Variants in NHLH1 observed in about 807,000 individuals in gnomAD.
The protein encoded by NHLH1 is helix-loop-helix protein 1.
Under a neutral mutation model 6.7 loss-of-function variants are expected in NHLH1, and 3 were observed. The observed-to-expected ratio is 0.44, with a 90% CI of 0.20 to 1.15. The LOEUF (loss-of-function observed/expected upper bound fraction) is 1.15. Among genes scored for constraint, NHLH1 ranks in the 50% most tolerant of loss-of-function variants. The pLI is 0.26. For synonymous variants in NHLH1, 92 were observed against 84.2 expected (o/e 1.09, Z -0.51); for missense variants, 177 against 189.5 (o/e 0.93, Z 0.39).
intron 1 of NHLH1, among the ~76,000 whole-genome samples, chr1:160,367,927 T>C (rs149436257): frequency 1.2e-3 from 180 of 152,292 alleles, no homozygotes; most frequent in Non-Finnish European, 2.0e-3. Context: ...CCTCCCACAC[T>C]ATTGCCATCC....
rs202093419 is a variant in NHLH1 at position 160,370,817 on chromosome 1, G to C, written c.86G>C (p.Gly29Ala). ...TCGGGCTTCAGTGACTGTGGGGGCG[G>C]GGCGGGCCCTGATGGTGCCGGGCCT... ...TESGFSDCGG[G>A]AGPDGAGPGG... Residue 29 changes from glycine to alanine, a missense_variant, in exon 2 of 2, where the codon GGG becomes GCG. By Grantham distance (60) the Gly-to-Ala change is moderately conservative (BLOSUM62 0). Coordinates refer to ENST00000302101, the MANE Select transcript of NHLH1 (RefSeq NM_005598.4). The C allele has an allele frequency of 1.5e-5, 24 of 1,611,012 alleles. No individual in the cohort carries two copies. The highest frequency in any genetic ancestry group is 3.3e-4 in the Middle Eastern group (2 of 6,004).
chr1:160,370,023 C>A (rs1649587545), intron 1 of NHLH1, among the ~76,000 whole-genome samples: 1 of 152,004 alleles, frequency 6.6e-6, no homozygotes, highest in South Asian at 2.1e-4. Flanking sequence ...GGATATTAAC[C>A]CCTTATCAGA....
Position 160,370,839 on chromosome 1 carries a change from G to T in NHLH1, c.108G>T (p.Gly36=). ...GCGGGGCGGGCCCTGATGGTGCCGG[G>T]CCTGGGGGTCCGGGAGGGGGCCAGG... ...CGGGAGPDGA[G]PGGPGGGQAR... is the part of the protein sequence containing the mutation. Residue 36 remains glycine (G), a synonymous_variant, in exon 2 of 2, where the codon GGG becomes GGT. Coordinates refer to ENST00000302101, the MANE Select transcript of NHLH1 (RefSeq NM_005598.4). The T allele has an allele frequency of 1.2e-6, 2 of 1,607,712 alleles. No homozygotes were observed. Among genetic ancestry groups the T allele is most frequent in the Admixed American group, 1.7e-5 (1 of 59,472 alleles).
Position 160,370,750 on chromosome 1 carries a change from A to G in NHLH1, c.19A>G (p.Thr7Ala), listed in dbSNP as rs756433171. The G allele has an allele frequency of 1.2e-6, 2 of 1,612,554 alleles. No homozygotes were observed. The highest frequency in any genetic ancestry group is 2.2e-5 in the South Asian group (2 of 90,990). ...TTCCATCATGATGCTCAACTCAGAC[A>G]CCATGGAGCTGGACCTGCCGCCCAC... MMLNSD[T>A]MELDLPPTHS... The change falls in exon 2 of 2, where the codon ACC (threonine) becomes GCC (alanine). Residue 7 changes from threonine to alanine, a missense_variant. Physicochemically the swap from Thr to Ala is moderately conservative, Grantham distance 58. Coordinates refer to ENST00000302101, the MANE Select transcript of NHLH1 (RefSeq NM_005598.4).
At position 160,371,157 on chromosome 1, in the gene NHLH1, G is replaced by C; in HGVS notation, c.*24G>C. On this transcript the variant is annotated 3_prime_UTR_variant, in exon 2 of 2. Coordinates refer to ENST00000302101, the MANE Select transcript of NHLH1 (RefSeq NM_005598.4). ...GAACTCAGCCTGTCTCCCACCTCCC[G>C]GGCCTCTCTGGGGCCCCTTTCCACC... is the stretch of plus-strand genomic sequence containing the variant. 8.2e-6 allele frequency: 13 copies of C among 1,577,208 alleles called. No individual in the cohort carries two copies. The highest frequency in any genetic ancestry group is 1.0e-5 in the Non-Finnish European group (12 of 1,161,574).
Position 160,371,312 on chromosome 1 carries a change from A to C in NHLH1, c.*179A>C, listed in dbSNP as rs1571219604. On this transcript the variant is annotated 3_prime_UTR_variant, in exon 2 of 2. Transcript: ENST00000302101. ...GCCTCTTCCTTTCTCTGACCCAGGC[A>C]CCTCGAGGGCTATTCTCCTGGGTTC... 9 of 975,788 alleles carry C rather than the reference A, an allele frequency of 9.2e-6. No homozygotes were observed. The highest frequency in any genetic ancestry group is 1.2e-5 in the Non-Finnish European group (8 of 686,390). 60.4% of individuals were successfully genotyped at this position (975,788 alleles called of 1,614,324 possible). A position where few individuals can be genotyped will look rare whatever the true frequency, so the allele number is the denominator to read the frequency against.
rs1649658878 is a variant in NHLH1, at chr1:160,372,757, T to G, written c.*1624T>G. 6.0e-6 allele frequency: 1 copy of G among 166,662 alleles called. No individual in the cohort carries two copies. The highest frequency in any genetic ancestry group is 1.5e-5 in the Non-Finnish European group (1 of 68,116). The allele number at this position is 166,662 out of a possible 1,614,324, so 10.3% of individuals were successfully genotyped here. On this transcript the variant is annotated 3_prime_UTR_variant, in exon 2 of 2. Transcript: ENST00000302101. Reference sequence around the variant, plus strand: ...TACTCCCAAGAGCAGGCCCCAGGGGTCTGTGTCACATATCTCTGTGTGATT... The same window carrying G: ...TACTCCCAAGAGCAGGCCCCAGGGGGCTGTGTCACATATCTCTGTGTGATT...
At chr1:160,370,324 G>C (rs1365149372) in intron 1 of NHLH1, among the ~76,000 whole-genome samples, 1 of 151,740 alleles carries the variant, frequency 6.6e-6, no homozygotes, top group Non-Finnish European at 1.5e-5. Context: ...CCTGTTACTC[G>C]TTTTCTCTTC....
chr1:160,371,901 A>AT lies in NHLH1; in HGVS notation c.*768_*769insT, dbSNP rs1649636760. On this transcript the variant is annotated 3_prime_UTR_variant, in exon 2 of 2. Coordinates refer to ENST00000302101, the MANE Select transcript of NHLH1 (RefSeq NM_005598.4). The stretch of plus-strand genomic sequence containing the variant: ...TGTGTGTCACTAGAGAAAAAAAAAA[A>AT]CAAAAACCTAGATTCCGGATTAGGG... The AT allele has an allele frequency of 2.4e-5, 4 of 166,576 alleles. No individual in the cohort carries two copies. The allele number at this position is 166,576 out of a possible 1,614,324, so 10.3% of individuals were successfully genotyped here. A position where few individuals can be genotyped will look rare whatever the true frequency, so the allele number is the denominator to read the frequency against.
In NHLH1 at chr1:160,372,463, C is replaced by G. The variant is rs1315904915; in HGVS notation, c.*1330C>G. 1 of 167,012 alleles carries G rather than the reference C, an allele frequency of 6.0e-6. No homozygotes were observed. Among genetic ancestry groups the G allele is most frequent in the Non-Finnish European group, 1.5e-5 (1 of 68,142 alleles). 10.3% of individuals were successfully genotyped at this position (167,012 alleles called of 1,614,324 possible). On this transcript the variant is annotated 3_prime_UTR_variant, in exon 2 of 2. Coordinates refer to ENST00000302101, the MANE Select transcript of NHLH1 (RefSeq NM_005598.4). ...GCTCCCAGCAGCTCTAGCTGGGTCTCTCTTGCTTCCTCCCTGCTTACGCCT... is the reference window on the plus strand; with the variant it reads ...GCTCCCAGCAGCTCTAGCTGGGTCTGTCTTGCTTCCTCCCTGCTTACGCCT...
rs771163143 is a variant in NHLH1, at chr1:160,371,341, C to A, written c.*208C>A. 9.7e-5 allele frequency: 72 copies of A among 740,990 alleles called. No individual in the cohort carries two copies. The highest frequency in any genetic ancestry group is 1.4e-4 in the Non-Finnish European group (68 of 481,406). The allele number at this position is 740,990 out of a possible 1,614,324, so 45.9% of individuals were successfully genotyped here. A position where few individuals can be genotyped will look rare whatever the true frequency, so the allele number is the denominator to read the frequency against. ...CGAGGGCTATTCTCCTGGGTTCCTT[C>A]CGGGGTTTATTGCTGAGGCCCAGCT... On this transcript the variant is annotated 3_prime_UTR_variant, in exon 2 of 2. Transcript: ENST00000302101.
At chr1:160,367,536 G>A (rs568120711) in intron 1 of NHLH1, among the ~76,000 whole-genome samples, 199 bp downstream of exon 1, 2 of 152,156 alleles carry the variant, frequency 1.3e-5, no homozygotes, top group African/African-American at 4.8e-5. Flanking sequence ...TGGCAGAAGT[G>A]GGGTGGGAAG....
Position 160,370,772 on chromosome 1 carries a change from C to T in NHLH1, c.41C>T (p.Pro14Leu), listed in dbSNP as rs1305366279. ...GACACCATGGAGCTGGACCTGCCGC[C>T]CACCCACTCAGAGACTGAGTCGGGC... ...NSDTMELDLP[P>L]THSETESGFS... The change falls in exon 2 of 2, where the codon CCC becomes CTC. Residue 14 changes from proline (P) to leucine (L), a missense_variant. Pro to Leu is a moderately conservative substitution (Grantham distance 98). Coordinates refer to ENST00000302101, the MANE Select transcript of NHLH1 (RefSeq NM_005598.4). 6.2e-7 allele frequency: 1 copy of T among 1,613,064 alleles called. No homozygotes were observed. Among genetic ancestry groups the T allele is most frequent in the Admixed American group, 1.7e-5 (1 of 60,016 alleles).
rs1431620541 is a variant in NHLH1 at position 160,370,945 on chromosome 1, G to A, written c.214G>A (p.Ala72Thr). ...SREERRRRRR[A>T]TAKYRTAHAT... The stretch of plus-strand genomic sequence containing the variant: ...CGAGGAGCGCCGGCGCCGGCGCCGC[G>A]CCACAGCCAAGTACCGCACGGCCCA... Residue 72 changes from alanine (A) to threonine (T), a missense_variant, in exon 2 of 2, where the codon GCC (alanine) becomes ACC (threonine). Coordinates refer to ENST00000302101, the MANE Select transcript of NHLH1 (RefSeq NM_005598.4). 3 of 1,610,556 alleles carry A rather than the reference G, an allele frequency of 1.9e-6. No individual in the cohort carries two copies. The highest frequency in any genetic ancestry group is 2.5e-6 in the Non-Finnish European group (3 of 1,178,190).
At position 160,371,105 on chromosome 1, in the gene NHLH1, C is replaced by T; in HGVS notation, c.374C>T (p.Ser125Phe). ...EILRLAICYI[S>F]YLNHVLDV Reference sequence around the variant, plus strand: ...CTGCGCCTGGCCATCTGCTATATCTCCTACCTGAACCACGTGCTGGACGTC... The same window carrying T: ...CTGCGCCTGGCCATCTGCTATATCTTCTACCTGAACCACGTGCTGGACGTC... The change falls in exon 2 of 2, where the codon TCC (serine) becomes TTC (phenylalanine). Residue 125 changes from serine (S) to phenylalanine (F), a missense_variant. Physicochemically the swap from Ser to Phe is radical, Grantham distance 155. Coordinates refer to ENST00000302101, the MANE Select transcript of NHLH1 (RefSeq NM_005598.4). 1.2e-6 allele frequency: 2 copies of T among 1,612,390 alleles called. No individual in the cohort carries two copies. The highest frequency in any genetic ancestry group is 1.7e-6 in the Non-Finnish European group (2 of 1,179,094).
In NHLH1 at chr1:160,372,372, C is replaced by T. The variant is rs536591372; in HGVS notation, c.*1239C>T. The T allele has an allele frequency of 8.7e-4, 144 of 165,554 alleles. No individual in the cohort carries two copies. Among genetic ancestry groups the T allele is most frequent in the Middle Eastern group, 3.4e-3 (1 of 290 alleles). The allele number at this position is 165,554 out of a possible 1,614,324, so 10.3% of individuals were successfully genotyped here. A position where few individuals can be genotyped will look rare whatever the true frequency, so the allele number is the denominator to read the frequency against. ...ATTTATTTATTCATCTATTTATTTACTTATTTATTTATTTATAAATATTGC... is the reference window on the plus strand; with the variant it reads ...ATTTATTTATTCATCTATTTATTTATTTATTTATTTATTTATAAATATTGC... On this transcript the variant is annotated 3_prime_UTR_variant, in exon 2 of 2. Transcript: ENST00000302101.
Position 160,370,843 on chromosome 1 carries a change from G to T in NHLH1, c.112G>T (p.Gly38Trp). The T allele has an allele frequency of 6.2e-7, 1 of 1,607,084 alleles. No individual in the cohort carries two copies. Among genetic ancestry groups the T allele is most frequent in the African/African-American group, 1.3e-5 (1 of 74,942 alleles). Residue 38 changes from glycine (G) to tryptophan (W), a missense_variant, in exon 2 of 2, where the codon GGG becomes TGG. Gly to Trp is a radical substitution (Grantham distance 184). Transcript: ENST00000302101. ...GGAGPDGAGP[G>W]GPGGGQARGP... The stretch of plus-strand genomic sequence containing the variant: ...GGCGGGCCCTGATGGTGCCGGGCCT[G>T]GGGGTCCGGGAGGGGGCCAGGCCCG...
At chr1:160,368,403 C>G (rs902670985) in intron 1 of NHLH1, among the ~76,000 whole-genome samples, 2 of 152,304 alleles carry the variant, frequency 1.3e-5, no homozygotes, top group South Asian at 4.1e-4. Flanking sequence ...AAGGGTAGCT[C>G]CAAAAATCTG....
At chr1:160,369,410 A>G (rs76267460) in intron 1 of NHLH1, among the ~76,000 whole-genome samples, 1 of 152,176 alleles carries the variant, frequency 6.6e-6, no homozygotes, top group Non-Finnish European at 1.5e-5. Context: ...GAGTGTGCAA[A>G]TATCTCTTTG....
Sources: gnomAD v4.1 joint callset for allele counts (sites outside exome capture counted in the v4.1 genomes callset) on GRCh38, gnomAD v4.1.1 for gene constraint, MANE v1.5 for transcripts, NCBI Gene and HGNC (gene_info 2026-07-23, HGNC 2026-07-21) for gene names.